The following PPP4R2 variants were observed in gnomAD, a reference collection of about 807,000 sequenced individuals.
PPP4R2 encodes the protein protein phosphatase 4 regulatory subunit 2, also known as serine/threonine-protein phosphatase 4 regulatory subunit 2.
PPP4R2 carries 13 observed loss-of-function variants against 47.2 expected under a neutral mutation model. The ratio of observed to expected loss-of-function variants is 0.28; its 90% confidence interval spans 0.18 to 0.44. The LOEUF is 0.44. PPP4R2 is among the 20% of genes least tolerant of loss of function. The pLI is 1.00. For synonymous variants in PPP4R2, 151 were observed against 163.3 expected (o/e 0.92, Z 0.57); for missense variants, 421 against 491.2 (o/e 0.86, Z 1.35).
chr3:72,997,016 CTG>C lies in PPP4R2; in HGVS notation c.-19_-18del. On this transcript the variant is annotated 5_prime_UTR_variant, in exon 1 of 9. Coordinates refer to ENST00000356692, the MANE Select transcript of PPP4R2 (RefSeq NM_174907.4). ...AGAGACCCGCGGAGGGAGGCGGAGG[CTG>C]TGAGGGACTCCGGGAAGCCATGGAC... 2 of 1,386,306 alleles carry C rather than the reference CTG, an allele frequency of 1.4e-6. No individual in the cohort carries two copies. The allele number at this position is 1,386,306 out of a possible 1,614,324, so 85.9% of individuals were successfully genotyped here. A position where few individuals can be genotyped will look rare whatever the true frequency, so the allele number is the denominator to read the frequency against.
intron 3 of PPP4R2, among the ~76,000 whole-genome samples, chr3:73,054,476 T>C (rs1336847991): frequency 2.0e-5 from 3 of 152,220 alleles, no homozygotes; most frequent in Admixed American, 6.5e-5. Flanking sequence ...AACAGAGATA[T>C]TGTTAGTTTC....
intron 2 of PPP4R2, among the ~76,000 whole-genome samples, chr3:73,031,565 G>T (rs143338845): frequency 1.5e-3 from 231 of 151,988 alleles, no homozygotes; most frequent in Middle Eastern, 3.4e-3. Context: ...AAAAAAGAAA[G>T]AAATATTTCA....
intron 2 of PPP4R2, among the ~76,000 whole-genome samples, chr3:73,016,295 G>A (rs1701830173): frequency 1.3e-5 from 2 of 151,350 alleles, no homozygotes; most frequent in South Asian, 4.2e-4. Context: ...ATGCCTTATA[G>A]CAGTGGTTCT....
In PPP4R2 at chr3:73,000,921, T is replaced by A. The variant is rs149426736; in HGVS notation, c.116+2763T>A. Among the ~76,000 whole-genome samples the A allele has an allele frequency of 4.6e-3, 698 of 152,324 alleles. 19 individuals are homozygous for A. Among genetic ancestry groups the A allele is most frequent in the Admixed American group, 0.032 (485 of 15,300 alleles). ...TTAAAGGTATTTGATGGGTTTGAGT[T>A]GCAATTATTATCCTTTTTGACGGTC... On this transcript the variant is annotated intron_variant, in intron 2 of 8. Coordinates refer to ENST00000356692, the MANE Select transcript of PPP4R2 (RefSeq NM_174907.4).
At chr3:73,026,479 C>T (rs1367008953) in intron 2 of PPP4R2, among the ~76,000 whole-genome samples, 3 of 133,494 alleles carry the variant, frequency 2.2e-5, no homozygotes, top group Non-Finnish European at 4.8e-5. Flanking sequence ...TAAAATTTGC[C>T]GTGCCATTAT....
intron 3 of PPP4R2, among the ~76,000 whole-genome samples, chr3:73,051,002 C>A (rs565172195): frequency 6.6e-6 from 1 of 152,200 alleles, no homozygotes; most frequent in Non-Finnish European, 1.5e-5. Flanking sequence ...ACATCCTCCC[C>A]CTCCTGGGTT....
At chr3:73,003,359 G>T (rs1424443050) in intron 2 of PPP4R2, among the ~76,000 whole-genome samples, 1 of 151,570 alleles carries the variant, frequency 6.6e-6, no homozygotes, top group South Asian at 2.1e-4. Flanking sequence ...TTACTGGCAC[G>T]TGCCACCATT....
At chr3:73,019,345 G>A (rs776600603) in intron 2 of PPP4R2, among the ~76,000 whole-genome samples, 3 of 152,074 alleles carry the variant, frequency 2.0e-5, no homozygotes, top group African/African-American at 4.8e-5. Flanking sequence ...ACAGAACACT[G>A]TCTTCATCTA....
intron 2 of PPP4R2, among the ~76,000 whole-genome samples, chr3:73,016,686 TTATTTAAA>T (rs1481518682): frequency 2.0e-5 from 3 of 151,650 alleles, no homozygotes; most frequent in Admixed American, 1.3e-4. Flanking sequence ...GTTTTTGTGT[TTATTTAAA>T]TATGGTGTCT....
At chr3:73,052,106 A>G (rs1480149118) in intron 3 of PPP4R2, among the ~76,000 whole-genome samples, 1 of 152,198 alleles carries the variant, frequency 6.6e-6, no homozygotes, top group African/African-American at 2.4e-5. Context: ...AGGTGCGTGG[A>G]TGGATAAATG....
intron 2 of PPP4R2, among the ~76,000 whole-genome samples, chr3:73,034,292 GT>G (rs1355427510): frequency 6.6e-6 from 1 of 152,030 alleles, no homozygotes; most frequent in Non-Finnish European, 1.5e-5. Flanking sequence ...TGAGTTAGTA[GT>G]TTTGTTTTAT....
chr3:73,046,467 A>G (rs1257766528), intron 2 of PPP4R2, among the ~76,000 whole-genome samples: 2 of 152,220 alleles, frequency 1.3e-5, no homozygotes, highest in Non-Finnish European at 2.9e-5. Flanking sequence ...TACACTATTC[A>G]GGCAGGTATC....
At position 72,998,063 on chromosome 3, in the gene PPP4R2, C is replaced by G. The variant is rs1412089134; in HGVS notation, c.35-14C>G. The G allele has an allele frequency of 3.2e-6, 5 of 1,564,120 alleles. No individual in the cohort carries two copies. Among genetic ancestry groups the G allele is most frequent in the African/African-American group, 2.8e-5 (2 of 72,186 alleles). ...GAGAAAACTGATAACGTTTTTTTTT[C>G]TTCCTTCATCTAGATTTTGAGAAGA... On this transcript the variant is annotated splice_polypyrimidine_tract_variant and intron_variant, in intron 1 of 8. Coordinates refer to ENST00000356692, the MANE Select transcript of PPP4R2 (RefSeq NM_174907.4).
chr3:72,997,000 C>T lies in PPP4R2; in HGVS notation c.-38C>T, dbSNP rs1474900185. On this transcript the variant is annotated 5_prime_UTR_variant, in exon 1 of 9. Coordinates refer to ENST00000356692, the MANE Select transcript of PPP4R2 (RefSeq NM_174907.4). Reference sequence around the variant, plus strand: ...GGCGTTCCGGTCCCCAAGAGACCCGCGGAGGGAGGCGGAGGCTGTGAGGGA... The same window carrying T: ...GGCGTTCCGGTCCCCAAGAGACCCGTGGAGGGAGGCGGAGGCTGTGAGGGA... 8 of 1,348,714 alleles carry T rather than the reference C, an allele frequency of 5.9e-6. No homozygotes were observed. Among genetic ancestry groups the T allele is most frequent in the Admixed American group, 3.0e-5 (1 of 33,152 alleles). The allele number at this position is 1,348,714 out of a possible 1,614,324, so 83.5% of individuals were successfully genotyped here. A position where few individuals can be genotyped will look rare whatever the true frequency, so the allele number is the denominator to read the frequency against.
intron 2 of PPP4R2, among the ~76,000 whole-genome samples, chr3:73,032,129 AGTT>A (rs1277768223): frequency 7.2e-5 from 11 of 152,152 alleles, no homozygotes; most frequent in Admixed American, 7.2e-4. Flanking sequence ...CTTTTATTAA[AGTT>A]ATATGCACAC....
chr3:73,012,064 T>C (rs1701736422), intron 2 of PPP4R2, among the ~76,000 whole-genome samples: 2 of 152,198 alleles, frequency 1.3e-5, no homozygotes, highest in South Asian at 4.1e-4. Flanking sequence ...CCTTGTTATA[T>C]GTGGGTGATT....
At chr3:73,021,112 T>G (rs1701950798) in intron 2 of PPP4R2, among the ~76,000 whole-genome samples, 1 of 152,136 alleles carries the variant, frequency 6.6e-6, no homozygotes, top group South Asian at 2.1e-4. Flanking sequence ...TGCAGATATG[T>G]TTTTGAAAAT....
At chr3:73,048,630 T>A (rs1702540293) in intron 3 of PPP4R2, among the ~76,000 whole-genome samples, 1 of 152,246 alleles carries the variant, frequency 6.6e-6, no homozygotes, top group African/African-American at 2.4e-5. Context: ...ATATTTAGTT[T>A]GGCGTTAACT....
At chr3:73,048,248 TTTTTGTTTTA>T (rs1414449779) in intron 3 of PPP4R2, among the ~76,000 whole-genome samples, 2 of 151,894 alleles carry the variant, frequency 1.3e-5, no homozygotes, top group Non-Finnish European at 2.9e-5. Flanking sequence ...AGGACTTTGT[TTTTTGTTTTA>T]TTTTGTTTTG....
Sources: allele counts gnomAD v4.1 joint callset (sites outside exome capture counted in the v4.1 genomes callset), GRCh38; gene constraint gnomAD v4.1.1; transcripts MANE v1.5; gene names NCBI Gene and HGNC (gene_info 2026-07-23, HGNC 2026-07-21).